Variants in WSCD2 observed in about 807,000 individuals in gnomAD.
WSCD2 encodes the protein WSC domain sialate O sulfotransferase 2.
Under a neutral mutation model 55.7 loss-of-function variants are expected in WSCD2, and 28 were observed. The ratio of observed to expected loss-of-function variants is 0.50; its 90% CI spans 0.37 to 0.69. The LOEUF is 0.69. Among genes scored for constraint, WSCD2 ranks in the 30% least tolerant of loss-of-function variants. The probability of loss-of-function intolerance (pLI) is 0.00; values close to 1 mark genes in which losing one functional copy is unlikely to be tolerated. For missense variants in WSCD2, 616 were observed against 762.1 expected (o/e 0.81, Z 2.26); for synonymous variants, 301 against 301.9 (o/e 1.00, Z 0.03).
chr12:108,224,321 C>A (rs1215054250), intron 4 of WSCD2, among the ~76,000 whole-genome samples: 2 of 152,254 alleles, frequency 1.3e-5, no homozygotes, highest in East Asian at 3.9e-4. Flanking sequence ...GCCCCAGAAT[C>A]CTTGCTTCCC....
intron 4 of WSCD2, among the ~76,000 whole-genome samples, chr12:108,216,054 G>C (rs536301687): frequency 6.6e-6 from 1 of 152,280 alleles, no homozygotes; most frequent in African/African-American, 2.4e-5. Context: ...GAGGATTTCT[G>C]GAAAATTCAG....
chr12:108,206,027 T>G (rs1340021983), intron 2 of WSCD2, among the ~76,000 whole-genome samples: 1 of 152,212 alleles, frequency 6.6e-6, no homozygotes, highest in South Asian at 2.1e-4. Flanking sequence ...GGTTCCTGGA[T>G]GCCCAGCTGT....
chr12:108,192,308 C>T (rs1194064453), intron 1 of WSCD2, among the ~76,000 whole-genome samples: 7 of 152,168 alleles, frequency 4.6e-5, no homozygotes, highest in Non-Finnish European at 8.8e-5. Context: ...GGTGAGGAAC[C>T]TGAGTCTTGC....
intron 1 of WSCD2, among the ~76,000 whole-genome samples, chr12:108,166,761 T>TTTCTTTTTC (rs10680980): frequency 8.0e-6 from 1 of 124,820 alleles, no homozygotes; most frequent in African/African-American, 3.1e-5. Context: ...TCTTTCTTTC[T>TTTCTTTTTC]TTTCTTTCTT....
intron 6 of WSCD2, among the ~76,000 whole-genome samples, chr12:108,230,156 A>G (rs1888590557): frequency 6.6e-6 from 1 of 152,234 alleles, no homozygotes; most frequent in African/African-American, 2.4e-5. Context: ...TAAGTGTACT[A>G]GTTAATATCA....
In WSCD2 at chr12:108,219,496, T is replaced by C. The variant is rs189344951; in HGVS notation, c.683-5243T>C. The stretch of plus-strand genomic sequence containing the variant: ...CACAGCAACAGATACACATTCAGTG[T>C]CATGTCCCACTGCCCAAACAATCTC... On this transcript the variant is annotated intron_variant, in intron 4 of 8. Coordinates refer to ENST00000547525, the MANE Select transcript of WSCD2 (RefSeq NM_014653.4). Among the ~76,000 whole-genome samples, 13 of 152,258 alleles carry C rather than the reference T, an allele frequency of 8.5e-5. No homozygotes were observed. The East Asian group carries it at 2.5e-3, about 29-fold the overall frequency.
intron 1 of WSCD2, among the ~76,000 whole-genome samples, chr12:108,185,574 G>A (rs1882371768): frequency 6.6e-6 from 1 of 152,168 alleles, no homozygotes; most frequent in African/African-American, 2.4e-5. Flanking sequence ...AGTGAGAAAT[G>A]TATTTGACAT....
At chr12:108,219,464 C>G (rs548275834) in intron 4 of WSCD2, among the ~76,000 whole-genome samples, 1 of 152,234 alleles carries the variant, frequency 6.6e-6, no homozygotes, top group Non-Finnish European at 1.5e-5. Context: ...CAGATGCACA[C>G]TGTGTGCACA....
At chr12:108,193,301 G>A (rs533340476) in intron 1 of WSCD2, among the ~76,000 whole-genome samples, 1 of 152,244 alleles carries the variant, frequency 6.6e-6, no homozygotes, top group Admixed American at 6.5e-5. Flanking sequence ...CATAGTGATT[G>A]TTTACATTGC....
At chr12:108,234,999 G>A (rs772203660) in intron 7 of WSCD2, among the ~76,000 whole-genome samples, 1 of 152,140 alleles carries the variant, frequency 6.6e-6, no homozygotes, top group Non-Finnish European at 1.5e-5. Context: ...TATACACCAA[G>A]TATTCGCCAT....
chr12:108,130,144 G>T (rs1875335196), intron 1 of WSCD2, among the ~76,000 whole-genome samples: 1 of 152,192 alleles, frequency 6.6e-6, no homozygotes, highest in South Asian at 2.1e-4. Context: ...TCTGGCAGAG[G>T]GTGGGACATT....
intron 1 of WSCD2, among the ~76,000 whole-genome samples, chr12:108,177,236 T>C (rs1332513696): frequency 6.6e-6 from 1 of 151,352 alleles, no homozygotes; most frequent in Non-Finnish European, 1.5e-5. Flanking sequence ...TTATGTGTAT[T>C]ATTTTATATA....
intron 8 of WSCD2, among the ~76,000 whole-genome samples, chr12:108,241,702 TAA>T (rs1593125622): frequency 1.3e-5 from 2 of 152,218 alleles, no homozygotes; most frequent in South Asian, 4.1e-4. Flanking sequence ...GATCTCATGT[TAA>T]GTGTTTTTTA....
At chr12:108,238,419 T>C (rs894175681) in intron 7 of WSCD2, among the ~76,000 whole-genome samples, 3 of 152,146 alleles carry the variant, frequency 2.0e-5, no homozygotes, top group Admixed American at 6.5e-5. Flanking sequence ...TGGACCCCTG[T>C]CTCCAGGAAC....
At chr12:108,176,509 T>A (rs939732554) in intron 1 of WSCD2, among the ~76,000 whole-genome samples, 3 of 152,238 alleles carry the variant, frequency 2.0e-5, no homozygotes, top group Non-Finnish European at 4.4e-5. Flanking sequence ...TTCCTTTTCA[T>A]GGCTGAGTAG....
chr12:108,191,380 TGGAGAGAGAGGCA>T (rs1157104489), intron 1 of WSCD2, among the ~76,000 whole-genome samples: 1 of 152,028 alleles, frequency 6.6e-6, no homozygotes, highest in African/African-American at 2.4e-5. Flanking sequence ...GAGACAGAGA[TGGAGAGAGAGGCA>T]GGAGAGAGAG....
intron 7 of WSCD2, among the ~76,000 whole-genome samples, chr12:108,237,221 C>T (rs1160397712): frequency 6.6e-6 from 1 of 152,144 alleles, no homozygotes; most frequent in African/African-American, 2.4e-5. Context: ...TCCTTAGCTC[C>T]CCTAACTGAA....
At chr12:108,136,722 C>T (rs1565909750) in intron 1 of WSCD2, among the ~76,000 whole-genome samples, 1 of 152,198 alleles carries the variant, frequency 6.6e-6, no homozygotes, top group East Asian at 1.9e-4. Flanking sequence ...GACCTCAAAG[C>T]CCGTGTTCTC....
chr12:108,141,993 A>G (rs1369151842), intron 1 of WSCD2, among the ~76,000 whole-genome samples: 3 of 152,208 alleles, frequency 2.0e-5, no homozygotes, highest in Non-Finnish European at 4.4e-5. Context: ...ATTATGCAAA[A>G]CACACAGCCT....
Sources: gnomAD v4.1 joint callset for allele counts (sites outside exome capture counted in the v4.1 genomes callset) on GRCh38, gnomAD v4.1.1 for gene constraint, MANE v1.5 for transcripts, NCBI Gene and HGNC (gene_info 2026-07-23, HGNC 2026-07-21) for gene names.